Variants in APPL2 observed in about 807,000 individuals in gnomAD.
APPL2 encodes DCC-interacting protein 13-beta.
In APPL2, 84 loss-of-function variants were observed where a neutral mutation model predicts 92.7. The ratio of observed to expected loss-of-function variants is 0.91; its 90% CI spans 0.76 to 1.09. The LOEUF (loss-of-function observed/expected upper bound fraction) is 1.09. Among genes scored for constraint, APPL2 ranks in the 50% least tolerant of loss-of-function variants. The pLI is 0.00. For synonymous variants in APPL2, 291 were observed against 291.0 expected, an observed-to-expected ratio of 1.00 and a Z score of 0.00; for missense variants, 736 against 824.5, an observed-to-expected ratio of 0.89 and a Z score of 1.31.
chr12:105,200,864 G>GTATCTATCTATCTATCTATCTATC (rs202172435), intron 9 of APPL2, among the ~76,000 whole-genome samples: 2 of 134,972 alleles, frequency 1.5e-5, no homozygotes, highest in Non-Finnish European at 1.6e-5. Flanking sequence ...ATGTATGTAT[G>GTATCTATCTATCTATCTATCTATC]TATCTATCTA....
At position 105,201,496 on chromosome 12, in the gene APPL2, T is replaced by A. The variant is rs573623569; in HGVS notation, c.705-1965A>T. Among the ~76,000 whole-genome samples the A allele has an allele frequency of 5.0e-4, 76 of 152,058 alleles. No individual in the cohort carries two copies. In the South Asian group the frequency reaches 5.2e-3, roughly 10 times the overall value. On this transcript the variant is annotated intron_variant, in intron 9 of 20. Transcript: ENST00000258530. ...TTGAAGATGTGATACAAGAGAAGGATCCTGTCCCCAGAAAGACACGGGCAC... is the reference window on the plus strand; with the variant it reads ...TTGAAGATGTGATACAAGAGAAGGAACCTGTCCCCAGAAAGACACGGGCAC...
intron 2 of APPL2, among the ~76,000 whole-genome samples, chr12:105,221,336 A>G (rs2136062051): frequency 6.6e-6 from 1 of 152,352 alleles, no homozygotes; most frequent in East Asian, 1.9e-4. Flanking sequence ...ATCACATTTA[A>G]TCCTCACAGT....
chr12:105,226,924 G>A (rs1323863103), intron 2 of APPL2, among the ~76,000 whole-genome samples: 1 of 151,936 alleles, frequency 6.6e-6, no homozygotes, highest in East Asian at 1.9e-4. Flanking sequence ...ACCAGCCTGG[G>A]CAACATAGTA....
intron 8 of APPL2, among the ~76,000 whole-genome samples, chr12:105,204,272 A>T (rs1888504022): frequency 6.6e-6 from 1 of 152,200 alleles, no homozygotes; most frequent in South Asian, 2.1e-4. Context: ...TGATGAAAAA[A>T]GAGAGAAAAC....
At chr12:105,212,185 T>C (rs1348596029) in intron 4 of APPL2, among the ~76,000 whole-genome samples, 2 of 151,194 alleles carry the variant, frequency 1.3e-5, no homozygotes, top group Admixed American at 1.3e-4. Context: ...AGACCTTTAG[T>C]CTAGAAAAGG....
At position 105,208,253 on chromosome 12, in the gene APPL2, C is replaced by T. The variant is rs1888919658; in HGVS notation, c.374-54G>A. On this transcript the variant is annotated intron_variant, in intron 5 of 20. Coordinates refer to ENST00000258530, the MANE Select transcript of APPL2 (RefSeq NM_018171.5). ...AGCAATGAAAAATAAAACATGCCAACCCAGAGCTCTGCACTTTCCCCTGAA... is the reference window on the plus strand; with the variant it reads ...AGCAATGAAAAATAAAACATGCCAATCCAGAGCTCTGCACTTTCCCCTGAA... The T allele has an allele frequency of 7.5e-6, 12 of 1,596,654 alleles. No homozygotes were observed. In the South Asian group the frequency reaches 1.3e-4, roughly 18 times the overall value.
rs3794235 is a variant in APPL2 at position 105,219,099 on chromosome 12, C to T, written c.154-1374G>A. Reference sequence around the variant, plus strand: ...ACATGGCACAGATGATGGGAGGACACTGGCCTACCTCCTTGGCCTTGGCCT... The same window carrying T: ...ACATGGCACAGATGATGGGAGGACATTGGCCTACCTCCTTGGCCTTGGCCT... On this transcript the variant is annotated intron_variant, in intron 2 of 20. Coordinates refer to ENST00000258530, the MANE Select transcript of APPL2 (RefSeq NM_018171.5). 2.9e-3 allele frequency among the ~76,000 whole-genome samples: 436 copies of T among 152,368 alleles called. 17 individuals carry two copies. The East Asian group carries it at 0.073, about 25-fold the overall frequency.
chr12:105,199,502 T>C lies in APPL2; in HGVS notation c.734A>G (p.Glu245Gly). 1 of 1,613,978 alleles carries C rather than the reference T, an allele frequency of 6.2e-7. No individual in the cohort carries two copies. The highest frequency in any genetic ancestry group is 8.5e-7 in the Non-Finnish European group (1 of 1,180,018). The stretch of plus-strand genomic sequence containing the variant: ...TTCTTGCTGGGACACCCGCATCTTT[T>C]CCGCCTCGGCTTCCAGTTCTACCTG... ...SIQVELEAEAEKMRVSQQELL... is the reference protein window; with the variant it reads ...SIQVELEAEAGKMRVSQQELL... The change falls in exon 10 of 21, where the codon GAA (glutamate) becomes GGA (glycine). Residue 245 changes from glutamate to glycine, a missense_variant. Physicochemically the swap from Glu to Gly is moderately conservative, Grantham distance 98. Transcript: ENST00000258530.
intron 4 of APPL2, among the ~76,000 whole-genome samples, chr12:105,213,600 CTG>C (rs1889395170): frequency 6.6e-6 from 1 of 152,230 alleles, no homozygotes; most frequent in African/African-American, 2.4e-5. Context: ...GTGGAAATCT[CTG>C]TGTGACTTAT....
intron 11 of APPL2, among the ~76,000 whole-genome samples, chr12:105,196,091 T>C (rs1265721498): frequency 3.3e-5 from 5 of 149,362 alleles, no homozygotes; most frequent in East Asian, 2.0e-4. Flanking sequence ...AAAAAGAAAA[T>C]GGGCTTGTAG....
At chr12:105,215,154 C>T (rs1592819422) in intron 4 of APPL2, among the ~76,000 whole-genome samples, 1 of 152,264 alleles carries the variant, frequency 6.6e-6, no homozygotes, top group Admixed American at 6.5e-5. Flanking sequence ...TTGCAGGAAC[C>T]CCTAGTTTAT....
At position 105,216,455 on chromosome 12, in the gene APPL2, A is replaced by C. The variant is rs564049563; in HGVS notation, c.285+614T>G. Among the ~76,000 whole-genome samples, 15 of 152,334 alleles carry C rather than the reference A, an allele frequency of 9.8e-5. No homozygotes were observed. In the South Asian group the frequency reaches 3.1e-3, roughly 32 times the overall value. On this transcript the variant is annotated intron_variant, in intron 4 of 20. Coordinates refer to ENST00000258530, the MANE Select transcript of APPL2 (RefSeq NM_018171.5). ...CCACCCAGAACATGTGAATATTTGAAAAAAAGAGTCTTTGCAGATGTAATG... is the reference window on the plus strand; with the variant it reads ...CCACCCAGAACATGTGAATATTTGACAAAAAGAGTCTTTGCAGATGTAATG...
chr12:105,208,455 G>A (rs991811053), intron 5 of APPL2, among the ~76,000 whole-genome samples: 3 of 152,208 alleles, frequency 2.0e-5, no homozygotes, highest in African/African-American at 7.2e-5. Flanking sequence ...GAGGGTCTGT[G>A]AGGGAGAGGG....
At chr12:105,189,498 T>C (rs1887011436) in intron 16 of APPL2, among the ~76,000 whole-genome samples, 1 of 152,238 alleles carries the variant, frequency 6.6e-6, no homozygotes, top group Non-Finnish European at 1.5e-5. Context: ...TGCATTTGAA[T>C]GTGATAACAG....
intron 8 of APPL2, among the ~76,000 whole-genome samples, chr12:105,205,287 A>G (rs1888604083): frequency 1.3e-5 from 2 of 152,254 alleles, no homozygotes; most frequent in Non-Finnish European, 2.9e-5. Flanking sequence ...GCATAGGGAA[A>G]GGGCCTACTT....
intron 17 of APPL2, among the ~76,000 whole-genome samples, chr12:105,178,348 A>G (rs1885753961): frequency 6.6e-6 from 1 of 152,190 alleles, no homozygotes; most frequent in African/African-American, 2.4e-5. Context: ...GTCCAGATCT[A>G]TAGAGATGGC....
At chr12:105,199,666 C>T (rs1347280701) in intron 9 of APPL2, 135 bp from the exon 10 acceptor site, 2 of 880,856 alleles carry the variant, frequency 2.3e-6, no homozygotes, top group Non-Finnish European at 1.7e-6. Flanking sequence ...CCTACAGGGC[C>T]ACAACCCTCT....
At chr12:105,222,305 G>T (rs1037628835) in intron 2 of APPL2, among the ~76,000 whole-genome samples, 8 of 152,182 alleles carry the variant, frequency 5.3e-5, no homozygotes, top group Non-Finnish European at 1.0e-4. Flanking sequence ...GTGGTGGGAA[G>T]AAAACACTGA....
intron 17 of APPL2, 129 bp from the exon 18 acceptor site, chr12:105,177,391 G>C: frequency 3.1e-6 from 3 of 955,192 alleles, no homozygotes; most frequent in Non-Finnish European, 4.8e-6. Flanking sequence ...AGGGTGAGGC[G>C]AGATAGCTGT....
Sources: allele counts gnomAD v4.1 joint callset (sites outside exome capture counted in the v4.1 genomes callset), GRCh38; gene constraint gnomAD v4.1.1; transcripts MANE v1.5; gene names NCBI Gene and HGNC (gene_info 2026-07-23, HGNC 2026-07-21).